Variants in ANKRD36C observed in about 807,000 individuals in gnomAD.
ANKRD36C encodes the protein ankyrin repeat domain 36C, also known as ankyrin repeat domain-containing protein 36C.
Under a neutral mutation model 276.4 loss-of-function variants are expected in ANKRD36C, and 61 were observed. The observed-to-expected ratio is 0.22, with a 90% confidence interval of 0.18 to 0.27. The LOEUF (loss-of-function observed/expected upper bound fraction) is 0.27, where lower values mean the gene tolerates loss of function less well. ANKRD36C is among the 10% of genes least tolerant of loss of function. ANKRD36C has a pLI of 1.00. For synonymous variants in ANKRD36C, 483 were observed against 680.1 expected, an observed-to-expected ratio of 0.71 and a Z score of 4.51; for missense variants, 1,447 against 2,032.3, an observed-to-expected ratio of 0.71 and a Z score of 5.54.
intron 42 of ANKRD36C, among the ~76,000 whole-genome samples, chr2:95,911,267 T>C (rs1431875811): frequency 2.6e-5 from 4 of 151,448 alleles, no homozygotes; most frequent in Non-Finnish European, 5.9e-5. Context: ...AAAAATATCA[T>C]CAATTATCAA....
exon 58 of ANKRD36C, chr2:95,880,454 T>C (rs756387380): frequency 1.3e-6 from 2 of 1,555,962 alleles, no homozygotes; most frequent in Non-Finnish European, 8.7e-7. Flanking sequence ...ACATCTTTCA[T>C]TTTGGTGGCT....
chr2:95,923,474 T>A lies in ANKRD36C; in HGVS notation c.2143+21A>T, dbSNP rs796248228. The A allele has an allele frequency of 5.6e-6, 9 of 1,609,178 alleles. No individual in the cohort carries two copies. In the African/African-American group the frequency reaches 6.7e-5, roughly 12 times the overall value. On this transcript the variant is annotated intron_variant, in intron 32 of 66. Transcript: ENST00000456556. ...TTCTATCTGGACTGAACATGACATT[T>A]AATGTGTTTTGCAAAATTACCTGTC...
chr2:95,879,412 A>T (rs939068601), intron 58 of ANKRD36C, among the ~76,000 whole-genome samples: 1 of 151,646 alleles, frequency 6.6e-6, no homozygotes, highest in Non-Finnish European at 1.5e-5. Flanking sequence ...TACAGTCAGC[A>T]ATAACTTGTC....
chr2:95,874,517 C>T (rs1329110427), intron 59 of ANKRD36C, among the ~76,000 whole-genome samples: 2 of 152,180 alleles, frequency 1.3e-5, no homozygotes, highest in Admixed American at 1.3e-4. Flanking sequence ...ACACCTTATA[C>T]AAAAATTAAT....
chr2:95,878,739 CA>C (rs1676009428), intron 58 of ANKRD36C, among the ~76,000 whole-genome samples: 1 of 152,120 alleles, frequency 6.6e-6, no homozygotes, highest in Non-Finnish European at 1.5e-5. Context: ...CACAGAAATG[CA>C]AATCAAAGCT....
rs1454642678 is a variant in ANKRD36C at position 95,908,618 on chromosome 2, T to C, written c.2653+3626A>G. The C allele has an allele frequency of 2.6e-6, 4 of 1,563,014 alleles. 1 individual carries two copies. Among genetic ancestry groups the C allele is most frequent in the African/African-American group, 2.7e-5 (2 of 73,294 alleles). ...GCAATAATAAATTAATAAAGTATGT[T>C]TCATAGACTATACATTTACTAGTTC... On this transcript the variant is annotated intron_variant, in intron 42 of 66. Coordinates refer to ENST00000456556, the Ensembl canonical transcript of ANKRD36C.
chr2:95,868,898 G>GTT (rs796243015), intron 59 of ANKRD36C, among the ~76,000 whole-genome samples: 2 of 152,264 alleles, frequency 1.3e-5, no homozygotes, highest in African/African-American at 4.8e-5. Flanking sequence ...AATTTTAAAG[G>GTT]TTTTTTTTAC....
chr2:95,913,179 A>T (rs1429450104), intron 40 of ANKRD36C, among the ~76,000 whole-genome samples: 1 of 149,742 alleles, frequency 6.7e-6, no homozygotes, highest in Non-Finnish European at 1.5e-5. Context: ...AATGGCTACA[A>T]GCATTAGATA....
chr2:95,859,248 G>A (rs977185427), intron 61 of ANKRD36C, among the ~76,000 whole-genome samples: 2 of 152,002 alleles, frequency 1.3e-5, no homozygotes, highest in Non-Finnish European at 2.9e-5. Flanking sequence ...TGGGCAGACT[G>A]GTCTCGAACT....
intron 20 of ANKRD36C, among the ~76,000 whole-genome samples, chr2:95,939,627 T>A (rs77557835): frequency 0.012 from 1,749 of 152,034 alleles, no homozygotes; most frequent in African/African-American, 0.024. Context: ...ATGGCGTGAA[T>A]CCGGGAGGTG....
chr2:95,929,906 G>T (rs1370374738), intron 24 of ANKRD36C, among the ~76,000 whole-genome samples: 1 of 151,518 alleles, frequency 6.6e-6, no homozygotes, highest in African/African-American at 2.4e-5. Context: ...CCTTCCAAAA[G>T]TTCCTTCATC....
chr2:95,929,289 T>A (rs1264693862), intron 24 of ANKRD36C, 22 bp from the exon 25 acceptor site: 5 of 1,589,806 alleles, frequency 3.1e-6, no homozygotes, highest in Non-Finnish European at 4.3e-6. Flanking sequence ...AAGGGATACA[T>A]AATCAATCAT....
intron 6 of ANKRD36C, among the ~76,000 whole-genome samples, chr2:95,968,014 C>T (rs1678627649): frequency 6.6e-6 from 1 of 152,128 alleles, no homozygotes; most frequent in Admixed American, 6.5e-5. Context: ...ATCGCTTGAA[C>T]CCAGGAGGCA....
chr2:95,883,693 C>T (rs780290611), intron 54 of ANKRD36C, among the ~76,000 whole-genome samples: 7 of 151,930 alleles, frequency 4.6e-5, no homozygotes, highest in Admixed American at 3.3e-4. Flanking sequence ...TCTTATTTTC[C>T]CTCCTTTCTG....
At chr2:95,959,785 A>G (rs1399982791) in intron 10 of ANKRD36C, among the ~76,000 whole-genome samples, 11 of 152,202 alleles carry the variant, frequency 7.2e-5, no homozygotes, top group Non-Finnish European at 1.2e-4. Flanking sequence ...AACAAAACAT[A>G]TATCTCTGAT....
intron 19 of ANKRD36C, 69 bp downstream of exon 19, chr2:95,944,558 A>C: frequency 7.1e-7 from 1 of 1,408,454 alleles, no homozygotes; most frequent in Non-Finnish European, 9.6e-7. Context: ...TTAACAGATA[A>C]GAGTGAGTTG....
exon 38 of ANKRD36C, chr2:95,916,007 T>C (rs371273085): frequency 4.5e-6 from 7 of 1,559,198 alleles, no homozygotes; most frequent in African/African-American, 2.7e-5. Context: ...CCATCCTTTT[T>C]TTCTCTGGTT....
rs1168254989 is a variant in ANKRD36C, at chr2:95,893,574, T to C, written c.2756-1714A>G. The C allele has an allele frequency of 3.2e-5, 50 of 1,565,708 alleles. No homozygotes were observed. In the East Asian group the frequency reaches 9.4e-4, roughly 30 times the overall value. On this transcript the variant is annotated intron_variant, in intron 44 of 66. Coordinates refer to ENST00000456556, the Ensembl canonical transcript of ANKRD36C. ...TCCATCCTTTTTTTCTCTGGCTATA[T>C]TCAAAACAGAATCTTCCTCGTCACC...
intron 20 of ANKRD36C, among the ~76,000 whole-genome samples, chr2:95,940,257 C>A (rs1223291699): frequency 2.0e-5 from 3 of 151,502 alleles, no homozygotes; most frequent in South Asian, 2.1e-4. Context: ...CTCCTGACCT[C>A]GTGATCCTCC....
Sources: gnomAD v4.1 joint callset for allele counts (sites outside exome capture counted in the v4.1 genomes callset) on GRCh38, gnomAD v4.1.1 for gene constraint, MANE v1.5 for transcripts, NCBI Gene and HGNC (gene_info 2026-07-23, HGNC 2026-07-21) for gene names.